Variants in BLM observed in about 807,000 individuals in gnomAD.
BLM encodes recQ-like DNA helicase BLM.
In BLM, 95 loss-of-function variants were observed where a neutral mutation model predicts 135.3. That is an observed-to-expected ratio of 0.70 (90% CI 0.59 to 0.83). The LOEUF is 0.83. Ranked by LOEUF, BLM falls within the 40% of genes least tolerant of loss-of-function variation. The probability of loss-of-function intolerance (pLI) is 0.00; values close to 1 mark genes in which losing one functional copy is unlikely to be tolerated. For missense variants in BLM, 1,518 were observed against 1,663.9 expected (o/e 0.91, Z 1.53); for synonymous variants, 520 against 589.2 (o/e 0.88, Z 1.70).
chr15:90,814,439 C>A (rs1370278444), intron 21 of BLM, among the ~76,000 whole-genome samples: 1 of 152,146 alleles, frequency 6.6e-6, no homozygotes, highest in African/African-American at 2.4e-5. Context: ...TCGGCTCTGG[C>A]GGCTTCTTCC....
At chr15:90,724,724 A>G (rs547548379) in intron 1 of BLM, among the ~76,000 whole-genome samples, 1 of 152,238 alleles carries the variant, frequency 6.6e-6, no homozygotes, top group East Asian at 1.9e-4. Context: ...GGGGTGTGGC[A>G]CTTCCATGCC....
intron 5 of BLM, chr15:90,759,913 T>TAAAA: frequency 7.0e-6 from 2 of 284,998 alleles, no homozygotes; most frequent in Middle Eastern, 1.3e-3. Context: ...AGCCCCACTT[T>TAAAA]AAAAAAAAAA....
chr15:90,795,100 G>A (rs1242320137), intron 16 of BLM, among the ~76,000 whole-genome samples: 1 of 152,140 alleles, frequency 6.6e-6, no homozygotes, highest in Admixed American at 6.5e-5. Context: ...ACTTATATGT[G>A]CAAGATGCTG....
chr15:90,790,802 T>C lies in BLM; in HGVS notation c.2977T>C (p.Tyr993His). 1 of 1,614,206 alleles carries C rather than the reference T, an allele frequency of 6.2e-7. No homozygotes were observed. Among genetic ancestry groups the C allele is most frequent in the Non-Finnish European group, 8.5e-7 (1 of 1,180,036 alleles). Residue 993 changes from tyrosine (Y) to histidine (H), a missense_variant, in exon 15 of 22, where the codon TAT becomes CAT. Transcript: ENST00000355112. Reference sequence around the variant, plus strand: ...GGAAATATCTCACTGCCTGCTTTTCTATACCTATCATGATGTGACCAGACT... The same window carrying C: ...GGAAATATCTCACTGCCTGCTTTTCCATACCTATCATGATGTGACCAGACT... ...DGEISHCLLF[Y>H]TYHDVTRLKR...
At position 90,757,725 on chromosome 15, in the gene BLM, T is replaced by A. The variant is rs1168645652; in HGVS notation, c.1088-2422T>A. ...CAATGTCCCTGTAGCCTCATCCGCT[T>A]CTCTGATCATTTTCTTCCCCTTCTT... On this transcript the variant is annotated intron_variant, in intron 5 of 21. Transcript: ENST00000355112. Among the ~76,000 whole-genome samples, 3 of 152,014 alleles carry A rather than the reference T, an allele frequency of 2.0e-5. No individual in the cohort carries two copies. The East Asian group carries it at 5.8e-4, about 29-fold the overall frequency.
At chr15:90,772,346 C>T (rs904304281) in intron 12 of BLM, among the ~76,000 whole-genome samples, 3 of 152,090 alleles carry the variant, frequency 2.0e-5, no homozygotes, top group Non-Finnish European at 4.4e-5. Flanking sequence ...TCCTTAGGGC[C>T]TTAAAATATG....
At chr15:90,734,448 T>A (rs1169419871) in intron 1 of BLM, among the ~76,000 whole-genome samples, 1 of 151,788 alleles carries the variant, frequency 6.6e-6, no homozygotes, top group African/African-American at 2.4e-5. Flanking sequence ...CCACCACACC[T>A]GGCTAATTTT....
chr15:90,760,874 G>T lies in BLM; in HGVS notation c.1501G>T (p.Val501Leu). ...CAATACCCATTTACAGAAGTCCTTT[G>T]TAAGTAGCAACTGGGCTGAAACACC... The part of the protein sequence containing the change: ...LFNTHLQKSF[V>L]SSNWAETPRL... Residue 501 changes from valine (V) to leucine (L), a missense_variant, in exon 7 of 22, where the codon GTA becomes TTA. This residue lies in a region of BLM where 724 missense variants were observed against 756.9 expected (regional missense o/e 0.96). Coordinates refer to ENST00000355112, the MANE Select transcript of BLM (RefSeq NM_000057.4). The T allele has an allele frequency of 6.2e-7, 1 of 1,613,970 alleles. No individual in the cohort carries two copies.
At chr15:90,800,990 A>C (rs1471794641) in intron 17 of BLM, among the ~76,000 whole-genome samples, 2 of 152,074 alleles carry the variant, frequency 1.3e-5, no homozygotes, top group Non-Finnish European at 1.5e-5. Flanking sequence ...TCTACAAAAA[A>C]ATACAAAAAT....
chr15:90,725,578 C>G (rs1189413445), intron 1 of BLM, among the ~76,000 whole-genome samples: 1 of 151,304 alleles, frequency 6.6e-6, no homozygotes, highest in African/African-American at 2.4e-5. Flanking sequence ...ACTGCAAGCT[C>G]CGCCTCCCGG....
chr15:90,783,867 G>A (rs1288341214), intron 13 of BLM, among the ~76,000 whole-genome samples: 2 of 152,090 alleles, frequency 1.3e-5, no homozygotes, highest in Non-Finnish European at 2.9e-5. Context: ...CTCCGGCCTG[G>A]GCGACAGAGC....
At chr15:90,725,575 G>C (rs1401167344) in intron 1 of BLM, among the ~76,000 whole-genome samples, 1 of 149,410 alleles carries the variant, frequency 6.7e-6, no homozygotes, top group Admixed American at 6.7e-5. Flanking sequence ...CTCACTGCAA[G>C]CTCCGCCTCC....
chr15:90,767,622 A>G (rs1896170076), intron 10 of BLM, among the ~76,000 whole-genome samples: 1 of 152,194 alleles, frequency 6.6e-6, no homozygotes, highest in African/African-American at 2.4e-5. Flanking sequence ...TCTCATGCCC[A>G]CTGTCAGGAG....
chr15:90,790,538 G>T, intron 14 of BLM, 111 bp from the exon 15 acceptor site: 1 of 994,424 alleles, frequency 1.0e-6, no homozygotes. Context: ...TTGTTATGTA[G>T]TGTGCATTTT....
At chr15:90,747,696 C>A (rs1895541521) in intron 2 of BLM, 5 of 510,706 alleles carry the variant, frequency 9.8e-6, no homozygotes, top group Non-Finnish European at 1.4e-5. Context: ...TGGTTCCTGG[C>A]ACATAATATT....
chr15:90,739,156 G>A (rs1486455013), intron 1 of BLM, among the ~76,000 whole-genome samples: 1 of 152,160 alleles, frequency 6.6e-6, no homozygotes, highest in Non-Finnish European at 1.5e-5. Flanking sequence ...AGCCCTTTGG[G>A]AGGCTGAGAC....
intron 1 of BLM, among the ~76,000 whole-genome samples, chr15:90,734,612 TTCTCTC>T (rs146610629): frequency 6.7e-6 from 1 of 149,348 alleles, no homozygotes; most frequent in South Asian, 2.1e-4. Flanking sequence ...AATGATGGTA[TTCTCTC>T]TCTCTCTCTC....
chr15:90,812,255 G>C (rs2532105), intron 21 of BLM, among the ~76,000 whole-genome samples: 1 of 151,958 alleles, frequency 6.6e-6, no homozygotes. Flanking sequence ...GCCTTTGCAG[G>C]GGTAGCAAGA....
Position 90,728,594 on chromosome 15 carries a change from C to T in BLM, c.-5+11154C>T, listed in dbSNP as rs189947826. 3.5e-3 allele frequency among the ~76,000 whole-genome samples: 529 copies of T among 151,386 alleles called. 2 individuals carry two copies. The highest frequency in any genetic ancestry group is 0.012 in the African/African-American group (507 of 41,316). ...CTAATTTTTATATATTTAGTAGAGA[C>T]GGGGTTTCACCATGTTGGCCAGGCT... On this transcript the variant is annotated intron_variant, in intron 1 of 21. Transcript: ENST00000355112.
Sources: gnomAD v4.1 joint callset for allele counts (sites outside exome capture counted in the v4.1 genomes callset) on GRCh38, gnomAD v4.1.1 for gene constraint, gnomAD v4.1.1 regional missense constraint, MANE v1.5 for transcripts, NCBI Gene and HGNC (gene_info 2026-07-23, HGNC 2026-07-21) for gene names.